The following ANKRD17 variants were observed in gnomAD, a reference collection of about 807,000 sequenced individuals.
The protein encoded by ANKRD17 is ankyrin repeat domain-containing protein 17.
In ANKRD17, 19 loss-of-function variants were observed where a neutral mutation model predicts 229.7. The ratio of observed to expected loss-of-function variants is 0.08; its 90% CI spans 0.06 to 0.12. The LOEUF (loss-of-function observed/expected upper bound fraction) is 0.12, where lower values mean the gene tolerates loss of function less well. Among genes scored for constraint, ANKRD17 ranks in the 10% least tolerant of loss-of-function variants. The probability of loss-of-function intolerance (pLI) is 1.00; values close to 1 mark genes in which losing one functional copy is unlikely to be tolerated. For synonymous variants in ANKRD17, 1,112 were observed against 1,146.1 expected, an observed-to-expected ratio of 0.97 and a Z score of 0.60; for missense variants, 2,176 against 3,176.8, an observed-to-expected ratio of 0.68 and a Z score of 7.57.
Position 73,177,376 on chromosome 4 carries a change from A to G in ANKRD17, c.547+4T>C. ...GTAGACTTATTACTATGTAGAGTAC[A>G]TACCTGCAGCTTCTAGTAAAGCTTC... On this transcript the variant is annotated splice_donor_region_variant and intron_variant, in intron 2 of 33. Transcript: ENST00000358602. The G allele has an allele frequency of 6.2e-7, 1 of 1,604,386 alleles. No individual in the cohort carries two copies. Among genetic ancestry groups the G allele is most frequent in the Non-Finnish European group, 8.5e-7 (1 of 1,174,014 alleles).
chr4:73,244,305 A>C (rs957108807), intron 1 of ANKRD17, among the ~76,000 whole-genome samples: 1 of 152,194 alleles, frequency 6.6e-6, no homozygotes, highest in Non-Finnish European at 1.5e-5. Context: ...AACAGGCTGA[A>C]ACATGGACAT....
rs1203300648 is a variant in ANKRD17, at chr4:73,091,487, T to C, written c.6141A>G (p.Ser2047=). ...HYPVSSPSSP[S]PPAQPGGVSR... Reference sequence around the variant, plus strand: ...AAACCCCTCCTGGCTGGGCTGGTGGTGATGGGGAAGATGGGGATGATACTG... The same window carrying C: ...AAACCCCTCCTGGCTGGGCTGGTGGCGATGGGGAAGATGGGGATGATACTG... Residue 2047 remains serine (S), a synonymous_variant, in exon 29 of 34, where the codon TCA becomes TCG. Transcript: ENST00000358602. 3 of 1,613,942 alleles carry C rather than the reference T, an allele frequency of 1.9e-6. No individual in the cohort carries two copies. The highest frequency in any genetic ancestry group is 1.7e-5 in the Admixed American group (1 of 59,990).
In ANKRD17 at chr4:73,161,597, C is replaced by T. The variant is rs576831638; in HGVS notation, c.548-249G>A. On this transcript the variant is annotated intron_variant, in intron 2 of 33. Transcript: ENST00000358602. ...CTGGTGCCAGAAACGGGTCTTTGGC[C>T]TATGATGGGACAATTAGACTCTGTC... Among the ~76,000 whole-genome samples the T allele has an allele frequency of 5.5e-4, 83 of 152,278 alleles. 1 individual carries two copies. In the South Asian group the frequency reaches 0.016, roughly 29 times the overall value.
chr4:73,133,552 A>G (rs1414324052), intron 16 of ANKRD17, among the ~76,000 whole-genome samples: 1 of 151,696 alleles, frequency 6.6e-6, no homozygotes, highest in African/African-American at 2.4e-5. Flanking sequence ...CACAATGCCC[A>G]GCTAATTTTT....
intron 25 of ANKRD17, among the ~76,000 whole-genome samples, chr4:73,101,375 T>C (rs1723957635): frequency 6.6e-6 from 1 of 152,076 alleles, no homozygotes; most frequent in South Asian, 2.1e-4. Context: ...GCTTAATTAT[T>C]TATAGGTGGC....
chr4:73,191,073 A>G (rs1158388453), intron 1 of ANKRD17, among the ~76,000 whole-genome samples: 1 of 152,152 alleles, frequency 6.6e-6, no homozygotes, highest in Non-Finnish European at 1.5e-5. Context: ...TCTAAAGTTT[A>G]TCTGGAAGAG....
At chr4:73,111,271 C>T (rs562872011) in intron 24 of ANKRD17, among the ~76,000 whole-genome samples, 2 of 152,256 alleles carry the variant, frequency 1.3e-5, no homozygotes, top group Admixed American at 1.3e-4. Flanking sequence ...AGTAACACTA[C>T]TCTTGCACTT....
At chr4:73,146,322 A>C (rs996584669) in intron 10 of ANKRD17, among the ~76,000 whole-genome samples, 1 of 152,138 alleles carries the variant, frequency 6.6e-6, no homozygotes, top group African/African-American at 2.4e-5. Context: ...CTGAAATTAT[A>C]AAGTACTTGA....
chr4:73,231,276 C>G (rs561397820), intron 1 of ANKRD17, among the ~76,000 whole-genome samples: 1 of 152,198 alleles, frequency 6.6e-6, no homozygotes, highest in East Asian at 1.9e-4. Flanking sequence ...GAAACAGTTC[C>G]AAGTAACTCA....
intron 24 of ANKRD17, chr4:73,113,251 T>C: frequency 7.8e-7 from 1 of 1,289,394 alleles, no homozygotes; most frequent in Non-Finnish European, 1.0e-6. Flanking sequence ...GTCCAAACTA[T>C]ATGCTGTTTT....
At chr4:73,233,679 C>T (rs188754244) in intron 1 of ANKRD17, among the ~76,000 whole-genome samples, 1 of 152,268 alleles carries the variant, frequency 6.6e-6, no homozygotes, top group East Asian at 1.9e-4. Context: ...GCTACTGTAT[C>T]TCAAATATGT....
chr4:73,227,534 T>C (rs1294622138), intron 1 of ANKRD17, among the ~76,000 whole-genome samples: 1 of 152,162 alleles, frequency 6.6e-6, no homozygotes. Flanking sequence ...TTCATTATTT[T>C]GCCAACAGAA....
chr4:73,156,766 A>C (rs758914436), intron 3 of ANKRD17, among the ~76,000 whole-genome samples: 2 of 151,982 alleles, frequency 1.3e-5, no homozygotes, highest in Non-Finnish European at 2.9e-5. Flanking sequence ...CCTCCTCGCT[A>C]TGCTTCCTGT....
At chr4:73,121,884 T>G in intron 18 of ANKRD17, 125 bp from the exon 19 acceptor site, 2 of 984,020 alleles carry the variant, frequency 2.0e-6, no homozygotes, top group Non-Finnish European at 2.8e-6. Context: ...TCCTTCATGC[T>G]CTGCATAAAA....
Position 73,097,227 on chromosome 4 carries a change from A to G in ANKRD17, c.5067T>C (p.Thr1689=). 2 of 1,606,186 alleles carry G rather than the reference A, an allele frequency of 1.2e-6. No homozygotes were observed. Among genetic ancestry groups the G allele is most frequent in the Middle Eastern group, 1.7e-4 (1 of 6,050 alleles). The change falls in exon 27 of 34, where the codon ACT becomes ACC. Residue 1689 remains threonine, a synonymous_variant. Transcript: ENST00000358602. ...ISEGTSNSLS[T]CTKSGPSPLS... ...GGGGAGATGGACCAGATTTTGTACA[A>G]GTAGATAGAGAATTACTGGTCCCTT...
intron 1 of ANKRD17, among the ~76,000 whole-genome samples, chr4:73,206,744 G>A (rs1044978055): frequency 6.6e-6 from 1 of 152,170 alleles, no homozygotes; most frequent in African/African-American, 2.4e-5. Flanking sequence ...AGAAGAAGAA[G>A]AAGTTCAAGA....
chr4:73,100,377 C>T (rs995431809), intron 25 of ANKRD17, among the ~76,000 whole-genome samples: 4 of 151,832 alleles, frequency 2.6e-5, no homozygotes, highest in Admixed American at 2.0e-4. Flanking sequence ...CCCCCTCCCC[C>T]TGTTCTGTTG....
At chr4:73,076,632 T>C (rs1185083948) in intron 33 of ANKRD17, among the ~76,000 whole-genome samples, 1 of 152,340 alleles carries the variant, frequency 6.6e-6, no homozygotes. Flanking sequence ...AAATAACCTT[T>C]AGATGGTCTT....
At chr4:73,229,710 T>TA (rs1030863166) in intron 1 of ANKRD17, among the ~76,000 whole-genome samples, 22 of 151,076 alleles carry the variant, frequency 1.5e-4, no homozygotes, top group Non-Finnish European at 3.0e-4. Context: ...ATCTACCCTT[T>TA]AAAAAAAAAT....
Sources: allele counts gnomAD v4.1 joint callset (sites outside exome capture counted in the v4.1 genomes callset), GRCh38; gene constraint gnomAD v4.1.1; transcripts MANE v1.5; gene names NCBI Gene and HGNC (gene_info 2026-07-23, HGNC 2026-07-21).